The following PTPRB variants were observed in gnomAD, a reference collection of about 807,000 sequenced individuals.
PTPRB encodes receptor-type tyrosine-protein phosphatase beta.
PTPRB carries 97 observed loss-of-function variants against 238.1 expected under a neutral mutation model. That is an observed-to-expected ratio of 0.41 (90% confidence interval 0.35 to 0.48). The LOEUF is 0.48. Among genes scored for constraint, PTPRB ranks in the 20% least tolerant of loss-of-function variants. The pLI is 0.30. For missense variants in PTPRB, 2,292 were observed against 2,681.9 expected (o/e 0.85, Z 3.21); for synonymous variants, 970 against 995.4 (o/e 0.97, Z 0.48).
At chr12:70,607,850 C>T (rs762094011) in intron 4 of PTPRB, among the ~76,000 whole-genome samples, 1 of 142,660 alleles carries the variant, frequency 7.0e-6, no homozygotes, top group Non-Finnish European at 1.6e-5. Context: ...TGCGCCCAGT[C>T]AGAGAAACCA....
At chr12:70,536,882 C>T (rs996881981) in intron 28 of PTPRB, among the ~76,000 whole-genome samples, 5 of 152,336 alleles carry the variant, frequency 3.3e-5, no homozygotes, top group Admixed American at 6.5e-5. Flanking sequence ...TTTTATCTTT[C>T]TCTCTGCTGG....
At position 70,635,713 on chromosome 12, in the gene PTPRB, T is replaced by G; in HGVS notation, c.409A>C (p.Lys137Gln). 6.2e-7 allele frequency: 1 copy of G among 1,613,968 alleles called. No individual in the cohort carries two copies. Among genetic ancestry groups the G allele is most frequent in the Non-Finnish European group, 8.5e-7 (1 of 1,179,864 alleles). ...CTTTCATTGACCAGTTTTCCCTCCT[T>G]GTTGACATCTATTTTCATCCAGCTA... ...LHSWMKIDVN[K>Q]EGKLVNESLC... Residue 137 changes from lysine to glutamine, a missense_variant, in exon 2 of 34, where the codon AAG becomes CAG. Lys to Gln is a moderately conservative substitution (Grantham distance 53). Coordinates refer to ENST00000334414, the MANE Select transcript of PTPRB (RefSeq NM_001109754.4).
At chr12:70,547,626 C>A (rs531374120) in intron 21 of PTPRB, among the ~76,000 whole-genome samples, 2 of 150,694 alleles carry the variant, frequency 1.3e-5, no homozygotes, top group South Asian at 4.2e-4. Context: ...CCAACCCCAG[C>A]CTCCTGAGTA....
intron 2 of PTPRB, among the ~76,000 whole-genome samples, chr12:70,625,955 G>T (rs1294898362): frequency 1.3e-5 from 2 of 152,068 alleles, no homozygotes; most frequent in Non-Finnish European, 2.9e-5. Context: ...ATAATATCAA[G>T]ACTATCTTTC....
chr12:70,553,845 G>A lies in PTPRB; in HGVS notation c.5144-825C>T, dbSNP rs1031510976. ...AAGAAATGTTGTCTTTAGCATGAGT[G>A]TGTACACTATAAATGGCGTTTATAT... On this transcript the variant is annotated intron_variant, in intron 20 of 33. Transcript: ENST00000334414. Among the ~76,000 whole-genome samples, 6 of 152,204 alleles carry A rather than the reference G, an allele frequency of 3.9e-5. 1 individual carries two copies. The highest frequency in any genetic ancestry group is 3.3e-4 in the Admixed American group (5 of 15,286).
Position 70,576,625 on chromosome 12 carries a change from C to T in PTPRB, c.2599G>A (p.Val867Ile), listed in dbSNP as rs1002782865. 110 of 1,516,208 alleles carry T rather than the reference C, an allele frequency of 7.3e-5. No individual in the cohort carries two copies. Among genetic ancestry groups the T allele is most frequent in the Non-Finnish European group, 9.7e-5 (110 of 1,133,024 alleles). 93.9% of individuals were successfully genotyped at this position (1,516,208 alleles called of 1,614,324 possible). Reference sequence around the variant, plus strand: ...TTACGACCGGAATTGTTCACCGTTACTCCACTCACACTGGAAGGGACTGTG... The same window carrying T: ...TTACGACCGGAATTGTTCACCGTTATTCCACTCACACTGGAAGGGACTGTG... The part of the protein sequence containing the change: ...GRTVPSSVSG[V>I]TVNNSGRNDY... Residue 867 changes from valine (V) to isoleucine (I), a missense_variant, in exon 11 of 34, where the codon GTA becomes ATA. Around this residue, in one of 4 missense-constraint regions of PTPRB, gnomAD observed 1,205 missense variants for 1,287.8 expected, o/e 0.94. Coordinates refer to ENST00000334414, the MANE Select transcript of PTPRB (RefSeq NM_001109754.4).
chr12:70,621,223 G>A (rs1325284355), intron 3 of PTPRB, among the ~76,000 whole-genome samples: 1 of 152,148 alleles, frequency 6.6e-6, no homozygotes, highest in Non-Finnish European at 1.5e-5. Flanking sequence ...CAGGCTAGGA[G>A]AGGTGGGTGA....
chr12:70,572,224 G>A (rs1373548624), intron 11 of PTPRB, 137 bp from the exon 12 acceptor site: 1 of 909,196 alleles, frequency 1.1e-6, no homozygotes, highest in Non-Finnish European at 1.7e-6. Context: ...TAGACCTTAG[G>A]TTACAAATTT....
intron 6 of PTPRB, among the ~76,000 whole-genome samples, 195 bp from the exon 7 acceptor site, chr12:70,592,740 A>G (rs1024854426): frequency 2.2e-4 from 33 of 152,380 alleles, no homozygotes; most frequent in African/African-American, 7.5e-4. Context: ...AGAGGCAAAA[A>G]GTAATGTTGT....
At chr12:70,541,081 C>A (rs1875021367) in intron 22 of PTPRB, 124 bp from the exon 23 acceptor site, 12 of 772,022 alleles carry the variant, frequency 1.6e-5, no homozygotes, top group Non-Finnish European at 2.5e-5. Flanking sequence ...CAAGTGATGC[C>A]CACGATGAGG....
intron 5 of PTPRB, among the ~76,000 whole-genome samples, chr12:70,595,234 T>C (rs1365205860): frequency 1.3e-5 from 2 of 151,530 alleles, no homozygotes; most frequent in African/African-American, 4.9e-5. Flanking sequence ...CACTCATAAG[T>C]GGGAGCTGAA....
At chr12:70,543,056 T>G (rs1875425820) in intron 22 of PTPRB, 1 of 151,930 alleles carries the variant, frequency 6.6e-6, no homozygotes, top group African/African-American at 2.4e-5. Flanking sequence ...GTAGGTTGTC[T>G]TTTTACTTTG....
chr12:70,575,567 GC>G (rs1422322545), intron 11 of PTPRB, among the ~76,000 whole-genome samples: 2 of 152,096 alleles, frequency 1.3e-5, no homozygotes, highest in African/African-American at 4.8e-5. Context: ...TGCCTACTAA[GC>G]CCCAGGTCCT....
At chr12:70,543,562 A>G (rs1875502092) in intron 22 of PTPRB, among the ~76,000 whole-genome samples, 1 of 152,164 alleles carries the variant, frequency 6.6e-6, no homozygotes. Context: ...TATATTTGGC[A>G]TAAATAGATT....
intron 3 of PTPRB, among the ~76,000 whole-genome samples, chr12:70,621,889 G>A (rs61930331): frequency 0.031 from 4,780 of 152,328 alleles, 104 homozygotes; most frequent in Middle Eastern, 0.061. Flanking sequence ...TTTGACTAAT[G>A]TCACCTGGTG....
At chr12:70,593,391 C>T (rs1428388196) in intron 6 of PTPRB, among the ~76,000 whole-genome samples, 2 of 151,556 alleles carry the variant, frequency 1.3e-5, no homozygotes, top group East Asian at 3.9e-4. Context: ...CAGGTGCCTG[C>T]AATCTTAGCT....
Position 70,539,720 on chromosome 12 carries a change from T to A in PTPRB, c.5697-14A>T. 1 of 1,603,986 alleles carries A rather than the reference T, an allele frequency of 6.2e-7. No homozygotes were observed. The highest frequency in any genetic ancestry group is 8.5e-7 in the Non-Finnish European group (1 of 1,171,552). ...ATTTTTATTGGACTGTAATTAAAAA[T>A]GAAACAAACAGAAAAGAGTTACTGC... On this transcript the variant is annotated splice_polypyrimidine_tract_variant and intron_variant, in intron 25 of 33. Transcript: ENST00000334414.
intron 4 of PTPRB, among the ~76,000 whole-genome samples, chr12:70,601,778 TTTTTC>T (rs1250837893): frequency 6.9e-6 from 1 of 145,954 alleles, no homozygotes; most frequent in African/African-American, 2.5e-5. Flanking sequence ...GTAATTTCTT[TTTTTC>T]TTTTTTCTTT....
At chr12:70,557,251 G>A (rs1469023983) in intron 18 of PTPRB, among the ~76,000 whole-genome samples, 2 of 152,180 alleles carry the variant, frequency 1.3e-5, no homozygotes, top group Non-Finnish European at 2.9e-5. Flanking sequence ...TATGGTTGAA[G>A]CATATTTGTG....
Sources: allele counts gnomAD v4.1 joint callset (sites outside exome capture counted in the v4.1 genomes callset), GRCh38; gene constraint gnomAD v4.1.1; regional missense constraint gnomAD v4.1.1; transcripts MANE v1.5; gene names NCBI Gene and HGNC (gene_info 2026-07-23, HGNC 2026-07-21).